KIF18A: variants seen among roughly 807,000 people sequenced by gnomAD.
The protein encoded by KIF18A is kinesin family member 18A, also known as kinesin-like protein KIF18A.
In KIF18A, 67 loss-of-function variants were observed where a neutral mutation model predicts 103.3. The observed-to-expected ratio is 0.65, with a 90% CI of 0.53 to 0.79. The LOEUF (loss-of-function observed/expected upper bound fraction) is 0.79, where lower values mean the gene tolerates loss of function less well. Ranked by LOEUF, KIF18A falls within the 30% of genes least tolerant of loss-of-function variation. The pLI, the probability that KIF18A is intolerant of heterozygous loss-of-function variation, is 0.00. For missense variants in KIF18A, 1,032 were observed against 1,062.5 expected (o/e 0.97, Z 0.40); for synonymous variants, 367 against 355.5 (o/e 1.03, Z -0.36).
chr11:28,103,797 C>T (rs188773598), intron 1 of KIF18A, among the ~76,000 whole-genome samples: 4 of 152,036 alleles, frequency 2.6e-5, no homozygotes, highest in East Asian at 1.9e-4. Flanking sequence ...TTGACAACAA[C>T]AGGCAATCAC....
In KIF18A at chr11:28,035,969, A is replaced by G. The variant is rs563640179; in HGVS notation, c.2396+248T>C. Among the ~76,000 whole-genome samples the G allele has an allele frequency of 2.6e-5, 4 of 151,710 alleles. No homozygotes were observed. The South Asian group carries it at 8.3e-4, about 31-fold the overall frequency. Reference sequence around the variant, plus strand: ...AATCCACCTTCAGAGTAAGAAGAACAAACTAAACATATCTTAAGGTCTCTC... The same window carrying G: ...AATCCACCTTCAGAGTAAGAAGAACGAACTAAACATATCTTAAGGTCTCTC... On this transcript the variant is annotated intron_variant, in intron 14 of 16. Transcript: ENST00000263181.
rs1850981303 is a variant in KIF18A, at chr11:28,069,422, G to T, written c.1427C>A (p.Ala476Asp). The change falls in exon 11 of 17, where the codon GCC becomes GAC. Residue 476 changes from alanine to aspartate, a missense_variant and splice_region_variant. Transcript: ENST00000263181. The part of the protein sequence containing the change: ...MMCSEDKVEK[A>D]TGKRDHRLAM... ...AAGTCTATGATCTCGTTTTCCAGTG[G>T]CCTGAAACACGATTCATTTAACAGT... The T allele has an allele frequency of 6.2e-7, 1 of 1,611,336 alleles. No homozygotes were observed. Among genetic ancestry groups the T allele is most frequent in the Non-Finnish European group, 8.5e-7 (1 of 1,178,958 alleles).
intron 10 of KIF18A, among the ~76,000 whole-genome samples, chr11:28,075,659 T>C (rs1851080474): frequency 6.6e-6 from 1 of 152,158 alleles, no homozygotes; most frequent in Non-Finnish European, 1.5e-5. Flanking sequence ...AGTTCTGTCA[T>C]ATTTGCTAAG....
In KIF18A at chr11:28,034,984, T is replaced by C. The variant is rs1850464401; in HGVS notation, c.2504+403A>G. On this transcript the variant is annotated intron_variant, in intron 15 of 16. Transcript: ENST00000263181. ...GAAATAAAAGTCTCTTCACTCATTA[T>C]ATTTTAGTCATATATCTTAATCCAT... Among the ~76,000 whole-genome samples the C allele has an allele frequency of 3.3e-5, 5 of 151,748 alleles. No homozygotes were observed. In the South Asian group the frequency reaches 1.0e-3, roughly 31 times the overall value.
intron 15 of KIF18A, among the ~76,000 whole-genome samples, chr11:28,029,020 A>C (rs1850359991): frequency 6.6e-6 from 1 of 152,178 alleles, no homozygotes. Context: ...TAGGCTCTGA[A>C]ATTGAGGCAA....
At chr11:28,081,537 G>A (rs1195747178) in intron 9 of KIF18A, among the ~76,000 whole-genome samples, 2 of 152,042 alleles carry the variant, frequency 1.3e-5, no homozygotes, top group Non-Finnish European at 2.9e-5. Context: ...ATAATTTTAA[G>A]CCCACTGTTA....
chr11:28,048,500 A>G (rs1486136738), intron 13 of KIF18A, among the ~76,000 whole-genome samples: 1 of 152,110 alleles, frequency 6.6e-6, no homozygotes. Flanking sequence ...AACTATATAT[A>G]TATAATAGAT....
Position 28,091,450 on chromosome 11 carries a change from T to C in KIF18A, c.547A>G (p.Thr183Ala). The C allele has an allele frequency of 1.2e-6, 2 of 1,611,570 alleles. No individual in the cohort carries two copies. The highest frequency in any genetic ancestry group is 1.7e-6 in the Non-Finnish European group (2 of 1,177,890). ...CCATGAACGACCACCCCTTTTTGGG[T>C]ATCTTCCCGGACAGCAAGTGGCCCT... ...NSGPLAVRED[T>A]QKGVVVHGLT... Residue 183 changes from threonine (T) to alanine (A), a missense_variant, in exon 4 of 17, where the codon ACC (threonine) becomes GCC (alanine). Coordinates refer to ENST00000263181, the MANE Select transcript of KIF18A (RefSeq NM_031217.4).
Position 28,021,212 on chromosome 11 carries a change from T to TC in KIF18A, c.2684dup (p.Asn896LysfsTer40). 6.6e-7 allele frequency: 1 copy of TC among 1,509,150 alleles called. No homozygotes were observed. The highest frequency in any genetic ancestry group is 8.9e-7 in the Non-Finnish European group (1 of 1,124,920). The allele number at this position is 1,509,150 out of a possible 1,614,324, so 93.5% of individuals were successfully genotyped here. ...GTTTTGAAGTGATTTATCTTAGATTTCCTTTTGAAATATTTCTTCCAAATT... is the reference window on the plus strand; with the variant it reads ...GTTTTGAAGTGATTTATCTTAGATTTCCCTTTTGAAATATTTCTTCCAAATT... On this transcript the variant is annotated frameshift_variant, in exon 17 of 17. Transcript: ENST00000263181. LOFTEE classifies it high-confidence loss of function.
intron 6 of KIF18A, among the ~76,000 whole-genome samples, chr11:28,086,250 T>C (rs1295925057): frequency 1.3e-5 from 2 of 152,264 alleles, no homozygotes; most frequent in Non-Finnish European, 2.9e-5. Flanking sequence ...ACTAGAGGAA[T>C]AATAACTGCA....
chr11:28,021,472 A>AAATTC (rs1276432957), intron 16 of KIF18A, among the ~76,000 whole-genome samples, 190 bp from the exon 17 acceptor site: 3 of 152,232 alleles, frequency 2.0e-5, no homozygotes, highest in Non-Finnish European at 4.4e-5. Flanking sequence ...AAAGCTGTTC[A>AAATTC]AATTCATATT....
At position 28,062,467 on chromosome 11, in the gene KIF18A, T is replaced by A. The variant is rs760294270; in HGVS notation, c.1640A>T (p.Asp547Val). ...CATATGTCTAATTTGTGCTTTCAAA[T>A]CTTTGTTCTGGAGGTGCAAATGGTG... Reference protein sequence around the residue: ...HCHHLHLQNKDLKAQIRHMMD... With the variant: ...HCHHLHLQNKVLKAQIRHMMD... Residue 547 changes from aspartate (D) to valine (V), a missense_variant, in exon 12 of 17, where the codon GAT becomes GTT. By Grantham distance (152) the Asp-to-Val change is radical. Coordinates refer to ENST00000263181, the MANE Select transcript of KIF18A (RefSeq NM_031217.4). 2 of 1,612,032 alleles carry A rather than the reference T, an allele frequency of 1.2e-6. No individual in the cohort carries two copies. The highest frequency in any genetic ancestry group is 1.7e-6 in the Non-Finnish European group (2 of 1,178,700).
chr11:28,035,847 T>C (rs574940908), intron 14 of KIF18A, among the ~76,000 whole-genome samples: 3 of 151,650 alleles, frequency 2.0e-5, no homozygotes, highest in East Asian at 1.9e-4. Context: ...TCAGAGTAAG[T>C]TGAGGTTTGC....
At chr11:28,031,939 T>A (rs551799958) in intron 15 of KIF18A, among the ~76,000 whole-genome samples, 1 of 151,990 alleles carries the variant, frequency 6.6e-6, no homozygotes, top group South Asian at 2.1e-4. Flanking sequence ...AAGGAAGAAG[T>A]GAAATTATCC....
At position 28,036,626 on chromosome 11, in the gene KIF18A, T is replaced by C. The variant is rs1042283060; in HGVS notation, c.1987A>G (p.Thr663Ala). The part of the protein sequence containing the change: ...SGGTNLVKIP[T>A]EKRTRRKLMP... ...AGTTTTCTCCGAGTTCTTTTTTCTG[T>C]AGGAATCTTAACCAGATTAGTTCCA... Residue 663 changes from threonine to alanine, a missense_variant, in exon 14 of 17, where the codon ACA becomes GCA. Thr to Ala is a moderately conservative substitution (Grantham distance 58). Coordinates refer to ENST00000263181, the MANE Select transcript of KIF18A (RefSeq NM_031217.4). 1 of 1,609,794 alleles carries C rather than the reference T, an allele frequency of 6.2e-7. No homozygotes were observed. The highest frequency in any genetic ancestry group is 8.5e-7 in the Non-Finnish European group (1 of 1,177,468).
intron 13 of KIF18A, among the ~76,000 whole-genome samples, chr11:28,054,631 C>G (rs1850755093): frequency 6.6e-6 from 1 of 152,146 alleles, no homozygotes. Context: ...TCCTATTATT[C>G]CTCCTTGACA....
Position 28,059,011 on chromosome 11 carries a change from G to A in KIF18A, c.1863C>T (p.Ala621=), listed in dbSNP as rs1359903627. 12 of 1,613,836 alleles carry A rather than the reference G, an allele frequency of 7.4e-6. No individual in the cohort carries two copies. The highest frequency in any genetic ancestry group is 1.7e-5 in the Admixed American group (1 of 59,976). The part of the protein sequence containing the change: ...KKVVVWADQT[A]EQPKQNDLPG... The stretch of plus-strand genomic sequence containing the variant: ...GTAGATCGTTTTGCTTTGGTTGTTC[G>A]GCAGTTTGGTCAGCCCAAACTACCA... Residue 621 remains alanine, a synonymous_variant, in exon 13 of 17, where the codon GCC becomes GCT. Coordinates refer to ENST00000263181, the MANE Select transcript of KIF18A (RefSeq NM_031217.4).
At chr11:28,102,413 G>A (rs1393083119) in intron 1 of KIF18A, among the ~76,000 whole-genome samples, 2 of 152,018 alleles carry the variant, frequency 1.3e-5, no homozygotes, top group Non-Finnish European at 2.9e-5. Flanking sequence ...CCAAACCAAC[G>A]TATTTCTTAA....
chr11:28,082,949 T>C lies in KIF18A; in HGVS notation c.1169A>G (p.Lys390Arg), dbSNP rs1851183720. The change falls in exon 9 of 17, where the codon AAA (lysine) becomes AGA (arginine). Residue 390 changes from lysine to arginine, a missense_variant. Coordinates refer to ENST00000263181, the MANE Select transcript of KIF18A (RefSeq NM_031217.4). ...TTTCTGTTCTTCATAGGCTTTTAGT[T>C]TTTCTTTTAACAATAAAATCTAGTA... Reference protein sequence around the residue: ...QKAEILLLKEKLKAYEEQKAF... With the variant: ...QKAEILLLKERLKAYEEQKAF... 2 of 1,588,326 alleles carry C rather than the reference T, an allele frequency of 1.3e-6. No homozygotes were observed. Among genetic ancestry groups the C allele is most frequent in the Non-Finnish European group, 1.7e-6 (2 of 1,166,824 alleles).
Sources: allele counts gnomAD v4.1 joint callset (sites outside exome capture counted in the v4.1 genomes callset), GRCh38; gene constraint gnomAD v4.1.1; transcripts MANE v1.5; gene names NCBI Gene and HGNC (gene_info 2026-07-23, HGNC 2026-07-21).